FRG1: variants seen among roughly 807,000 people sequenced by gnomAD.
FRG1 encodes protein FRG1.
Under a neutral mutation model 37.0 loss-of-function variants are expected in FRG1, and 19 were observed. The ratio of observed to expected loss-of-function variants is 0.51; its 90% CI spans 0.36 to 0.75. The LOEUF (loss-of-function observed/expected upper bound fraction) is 0.75, where lower values mean the gene tolerates loss of function less well. FRG1 is among the 30% of genes least tolerant of loss of function. The pLI is 0.00. For synonymous variants in FRG1, 73 were observed against 96.5 expected (o/e 0.76, Z 1.43); for missense variants, 243 against 301.4 (o/e 0.81, Z 1.44).
At chr4:189,942,436 G>A (rs975366386) in intron 1 of FRG1, among the ~76,000 whole-genome samples, 5 of 152,000 alleles carry the variant, frequency 3.3e-5, no homozygotes, top group Admixed American at 6.6e-5. Context: ...ATGTGAAATC[G>A]CCTATTCTGA....
intron 5 of FRG1, among the ~76,000 whole-genome samples, 164 bp downstream of exon 5, chr4:189,955,315 A>G (rs76069244): frequency 6.6e-6 from 1 of 152,232 alleles, no homozygotes; most frequent in Non-Finnish European, 1.5e-5. Context: ...ATCTCAAAAT[A>G]TAGTGCAACA....
At chr4:189,958,239 T>C (rs1737072647) in intron 6 of FRG1, among the ~76,000 whole-genome samples, 1 of 152,194 alleles carries the variant, frequency 6.6e-6, no homozygotes, top group Non-Finnish European at 1.5e-5. Flanking sequence ...CTTTTGCTCT[T>C]ATAAACAGTG....
At chr4:189,958,713 A>C (rs1461856187) in intron 6 of FRG1, among the ~76,000 whole-genome samples, 1 of 152,244 alleles carries the variant, frequency 6.6e-6, no homozygotes, top group African/African-American at 2.4e-5. Flanking sequence ...AATTCTAAAT[A>C]ATACTGTTAA....
chr4:189,950,627 T>C (rs566731345), intron 2 of FRG1, among the ~76,000 whole-genome samples: 1 of 152,338 alleles, frequency 6.6e-6, no homozygotes, highest in South Asian at 2.1e-4. Context: ...AATGTTTAGT[T>C]GAATAGAAAA....
At chr4:189,956,196 C>G (rs1216047365) in intron 5 of FRG1, among the ~76,000 whole-genome samples, 1 of 152,162 alleles carries the variant, frequency 6.6e-6, no homozygotes, top group African/African-American at 2.4e-5. Flanking sequence ...ACCCCTTCCT[C>G]TGTGAGTCTG....
intron 5 of FRG1, 97 bp from the exon 6 acceptor site, chr4:189,957,301 T>G (rs1278385791): frequency 6.7e-7 from 1 of 1,483,508 alleles, no homozygotes; most frequent in Admixed American, 2.4e-5. Flanking sequence ...TTTCTGTGAT[T>G]TTTAAATCAG....
intron 2 of FRG1, 140 bp downstream of exon 2, chr4:189,943,412 C>A: frequency 1.1e-6 from 1 of 949,282 alleles, no homozygotes. Flanking sequence ...GTTATAAATT[C>A]CATTTATTCT....
Position 189,940,901 on chromosome 4 carries a change from A to G in FRG1, c.-109A>G. ...TCTACAGAGACGTAGGCTGTCAGGG[A>G]GTGTTTATTTCGCGTCCGCTTCTGT... On this transcript the variant is annotated 5_prime_UTR_variant, in exon 1 of 9. Coordinates refer to ENST00000226798, the MANE Select transcript of FRG1 (RefSeq NM_004477.3). 1.3e-6 allele frequency: 1 copy of G among 755,178 alleles called. No homozygotes were observed. Among genetic ancestry groups the G allele is most frequent in the South Asian group, 1.6e-5 (1 of 61,130 alleles). 46.8% of individuals were successfully genotyped at this position (755,178 alleles called of 1,614,324 possible).
At chr4:189,958,499 A>G (rs202174560) in intron 6 of FRG1, among the ~76,000 whole-genome samples, 88 of 139,226 alleles carry the variant, frequency 6.3e-4, no homozygotes, top group South Asian at 1.4e-3. Context: ...AGAAACATGA[A>G]TCACATAAAA....
rs758182747 is a variant in FRG1 at position 189,952,169 on chromosome 4, G to C, written c.141G>C (p.Trp47Cys). 2.8e-5 allele frequency: 45 copies of C among 1,584,476 alleles called. No homozygotes were observed. Among genetic ancestry groups the C allele is most frequent in the Admixed American group, 1.5e-4 (9 of 58,154 alleles). The part of the protein sequence containing the change: ...EETQLDIVGI[W>C]WTVTNFGEIS... Reference sequence around the variant, plus strand: ...ATTGATTTTATTTTTTAGGAATCTGGTGGACAGTAACAAACTTTGGTGAAA... The same window carrying C: ...ATTGATTTTATTTTTTAGGAATCTGCTGGACAGTAACAAACTTTGGTGAAA... Residue 47 changes from tryptophan to cysteine, a missense_variant, in exon 3 of 9, where the codon TGG becomes TGC. This residue lies in a region of FRG1 where 110 missense variants were observed against 102.2 expected (regional missense o/e 1.08). Transcript: ENST00000226798.
chr4:189,942,559 A>G (rs1736360200), intron 1 of FRG1, among the ~76,000 whole-genome samples: 1 of 152,242 alleles, frequency 6.6e-6, no homozygotes, highest in Non-Finnish European at 1.5e-5. Context: ...ATGGCTGCAT[A>G]GTATTCCATT....
chr4:189,945,366 T>C (rs1437418569), intron 2 of FRG1, among the ~76,000 whole-genome samples: 2 of 152,210 alleles, frequency 1.3e-5, no homozygotes, highest in Non-Finnish European at 2.9e-5. Flanking sequence ...TAGTCCACCA[T>C]ATGGTATGAC....
intron 4 of FRG1, among the ~76,000 whole-genome samples, chr4:189,953,596 A>G (rs1237929559): frequency 2.0e-5 from 3 of 152,178 alleles, no homozygotes; most frequent in Admixed American, 6.5e-5. Context: ...GCAAAAGTAT[A>G]GAACGATTCT....
At chr4:189,962,979 T>C in intron 8 of FRG1, 114 bp from the exon 9 acceptor site, 1 of 546,404 alleles carries the variant, frequency 1.8e-6, no homozygotes, top group Admixed American at 3.4e-5. Context: ...ATAAAAGTGT[T>C]GTGGTAATAA....
chr4:189,946,812 G>T (rs1217881948), intron 2 of FRG1, among the ~76,000 whole-genome samples: 1 of 152,102 alleles, frequency 6.6e-6, no homozygotes, highest in Non-Finnish European at 1.5e-5. Context: ...AGACTTGAAT[G>T]TGTATTCTGC....
intron 1 of FRG1, among the ~76,000 whole-genome samples, chr4:189,942,773 C>T (rs1736372686): frequency 6.6e-6 from 1 of 152,156 alleles, no homozygotes; most frequent in Non-Finnish European, 1.5e-5. Flanking sequence ...TGAGGAACCC[C>T]AAACTGTTTC....
intron 2 of FRG1, among the ~76,000 whole-genome samples, chr4:189,951,610 A>C (rs560247377): frequency 2.4e-4 from 36 of 152,240 alleles, no homozygotes; most frequent in Admixed American, 1.8e-3. Flanking sequence ...GGGGTCTATC[A>C]TGAGAGAGAC....
At chr4:189,951,636 A>C (rs930198281) in intron 2 of FRG1, among the ~76,000 whole-genome samples, 5 of 152,126 alleles carry the variant, frequency 3.3e-5, no homozygotes, top group African/African-American at 1.2e-4. Flanking sequence ...TCTATATGTC[A>C]CTTTGTACCT....
Position 189,955,050 on chromosome 4 carries a change from T to G in FRG1, c.331T>G (p.Ser111Ala). 3 of 1,610,114 alleles carry G rather than the reference T, an allele frequency of 1.9e-6. No individual in the cohort carries two copies. Among genetic ancestry groups the G allele is most frequent in the Non-Finnish European group, 2.6e-6 (3 of 1,176,446 alleles). ...ATTAATGTACAGAATCGCCCTGAAGTCTGGCTATGGAAAATATCTTGGTAT... is the reference window on the plus strand; with the variant it reads ...ATTAATGTACAGAATCGCCCTGAAGGCTGGCTATGGAAAATATCTTGGTAT... Reference protein sequence around the residue: ...KLSDSRIALKSGYGKYLGINS... With the variant: ...KLSDSRIALKAGYGKYLGINS... The change falls in exon 5 of 9, where the codon TCT (serine) becomes GCT (alanine). Residue 111 changes from serine (S) to alanine (A), a missense_variant. Physicochemically the swap from Ser to Ala is moderately conservative, Grantham distance 99. Transcript: ENST00000226798.
Sources: allele counts gnomAD v4.1 joint callset (sites outside exome capture counted in the v4.1 genomes callset), GRCh38; gene constraint gnomAD v4.1.1; regional missense constraint gnomAD v4.1.1; transcripts MANE v1.5; gene names NCBI Gene and HGNC (gene_info 2026-07-23, HGNC 2026-07-21).